RIPOR3: variants seen among roughly 807,000 people sequenced by gnomAD.
The protein encoded by RIPOR3 is RIPOR family member 3.
In RIPOR3, 95 loss-of-function variants were observed where a neutral mutation model predicts 114.3. The ratio of observed to expected loss-of-function variants is 0.83; its 90% CI spans 0.70 to 0.99. The LOEUF is 0.99. Among genes scored for constraint, RIPOR3 ranks in the 50% least tolerant of loss-of-function variants. The probability of loss-of-function intolerance (pLI) is 0.00; values close to 1 mark genes in which losing one functional copy is unlikely to be tolerated. For missense variants in RIPOR3, 1,252 were observed against 1,266.9 expected (o/e 0.99, Z 0.18); for synonymous variants, 575 against 543.8 (o/e 1.06, Z -0.80).
In RIPOR3 at chr20:50,602,476, C is replaced by T. The variant is rs769121941; in HGVS notation, c.1255G>A (p.Glu419Lys). 7.7e-6 allele frequency: 12 copies of T among 1,561,042 alleles called. No homozygotes were observed. Among genetic ancestry groups the T allele is most frequent in the Non-Finnish European group, 1.0e-5 (12 of 1,150,386 alleles). ...GAGGTGGACGCCGACGTGCTGGTCT[C>T]CGTGTCTCGGGGGTCCTCAGAGCTG... ...SFSSEDPRDT[E>K]TSTSASTSDV... The change falls in exon 13 of 22, where the codon GAG (glutamate) becomes AAG (lysine). Residue 419 changes from glutamate (E) to lysine (K), a missense_variant. Transcript: ENST00000327979. The surrounding 1 kb of genome is among the most constrained non-coding windows in gnomAD (Gnocchi z 4.3).
intron 2 of RIPOR3, among the ~76,000 whole-genome samples, chr20:50,626,867 A>C (rs1352642885): frequency 6.6e-6 from 1 of 150,814 alleles, no homozygotes; most frequent in Non-Finnish European, 1.5e-5. Context: ...ACTAAAAATT[A>C]GCTGGGCATG....
Position 50,610,847 on chromosome 20 carries a change from G to A in RIPOR3, c.426+6C>T. The stretch of plus-strand genomic sequence containing the variant: ...CCCACCCTGCAACATCCACGAGCCA[G>A]CTGACCTTGCTGATGTGAAACTCCA... On this transcript the variant is annotated splice_donor_region_variant and intron_variant, in intron 6 of 21. Coordinates refer to ENST00000327979, the MANE Select transcript of RIPOR3 (RefSeq NM_001290268.2). The A allele has an allele frequency of 6.2e-7, 1 of 1,614,192 alleles. No individual in the cohort carries two copies. Among genetic ancestry groups the A allele is most frequent in the Non-Finnish European group, 8.5e-7 (1 of 1,180,044 alleles).
intron 1 of RIPOR3, among the ~76,000 whole-genome samples, chr20:50,670,158 CAAAAA>C (rs34360499): frequency 2.0e-5 from 1 of 49,240 alleles, no homozygotes; most frequent in South Asian, 7.1e-4. Context: ...AACTCCATCT[CAAAAA>C]AAAAAAAAAA....
intron 1 of RIPOR3, among the ~76,000 whole-genome samples, chr20:50,657,459 G>A (rs1020611194): frequency 1.3e-4 from 20 of 152,082 alleles, no homozygotes; most frequent in African/African-American, 2.4e-4. Flanking sequence ...CCTGGGAGGT[G>A]GAGGTTGCAG....
intron 1 of RIPOR3, among the ~76,000 whole-genome samples, chr20:50,688,598 A>G (rs1373912099): frequency 6.6e-6 from 1 of 152,234 alleles, no homozygotes; most frequent in African/African-American, 2.4e-5. Context: ...AGCTGCCTCC[A>G]GCACACCTCT....
At chr20:50,682,358 AG>A (rs2086886234) in intron 1 of RIPOR3, among the ~76,000 whole-genome samples, 1 of 152,228 alleles carries the variant, frequency 6.6e-6, no homozygotes, top group African/African-American at 2.4e-5. Flanking sequence ...CTGTAATCCC[AG>A]CCCTTTGGGA....
intron 1 of RIPOR3, among the ~76,000 whole-genome samples, chr20:50,679,165 C>G (rs28647711): frequency 0.67 from 72,457 of 108,752 alleles, 25,306 homozygotes; most frequent in Non-Finnish European, 0.74. Context: ...CACACACACA[C>G]AGAGAGAGAG....
chr20:50,665,114 C>CA (rs1187261403), intron 1 of RIPOR3, among the ~76,000 whole-genome samples: 2 of 151,416 alleles, frequency 1.3e-5, no homozygotes, highest in East Asian at 2.0e-4. Context: ...AAATAAAACC[C>CA]AAAAAACAAA....
chr20:50,587,972 G>A (rs1047608603), intron 20 of RIPOR3, 80 bp from the exon 21 acceptor site: 2 of 1,342,750 alleles, frequency 1.5e-6, no homozygotes, highest in African/African-American at 2.9e-5. Context: ...GCCCTGCAGG[G>A]CCAGTCCTAG....
At chr20:50,622,814 G>A (rs967900859) in intron 2 of RIPOR3, among the ~76,000 whole-genome samples, 2 of 152,122 alleles carry the variant, frequency 1.3e-5, no homozygotes, top group Admixed American at 1.3e-4. Context: ...CTTTTCACTG[G>A]TAAAATGGGA....
At chr20:50,658,239 A>G (rs1050593106) in intron 1 of RIPOR3, among the ~76,000 whole-genome samples, 7 of 152,248 alleles carry the variant, frequency 4.6e-5, no homozygotes, top group African/African-American at 1.7e-4. Context: ...TGTGGTGTGT[A>G]TATATGCAAT....
At chr20:50,588,992 G>A (rs912579496) in intron 20 of RIPOR3, among the ~76,000 whole-genome samples, 1 of 147,036 alleles carries the variant, frequency 6.8e-6, no homozygotes, top group African/African-American at 2.5e-5. Flanking sequence ...TGAGGCAGGA[G>A]AATGGTGTGA....
chr20:50,686,748 TAAAA>T (rs11470692), intron 1 of RIPOR3, among the ~76,000 whole-genome samples: 14 of 142,060 alleles, frequency 9.9e-5, no homozygotes, highest in African/African-American at 3.6e-4. Flanking sequence ...GAGACTCTGT[TAAAA>T]AAAAAAAAAA....
At chr20:50,623,351 A>G (rs910714142) in intron 2 of RIPOR3, among the ~76,000 whole-genome samples, 28 of 152,238 alleles carry the variant, frequency 1.8e-4, no homozygotes, top group African/African-American at 6.0e-4. Flanking sequence ...CAGTATCCCA[A>G]GGGGATTAGA....
intron 13 of RIPOR3, among the ~76,000 whole-genome samples, chr20:50,600,738 C>T (rs1300845931): frequency 6.6e-6 from 1 of 152,152 alleles, no homozygotes; most frequent in African/African-American, 2.4e-5. Context: ...CCAGCCTGGG[C>T]AACAGAGTGA....
At chr20:50,624,866 G>A (rs920847915) in intron 2 of RIPOR3, among the ~76,000 whole-genome samples, 4 of 152,270 alleles carry the variant, frequency 2.6e-5, no homozygotes, top group Admixed American at 2.6e-4. Context: ...AGGCAGACAG[G>A]GCCGGGCTCA....
intron 1 of RIPOR3, among the ~76,000 whole-genome samples, chr20:50,673,137 A>G (rs1207542194): frequency 2.1e-5 from 1 of 47,550 alleles, no homozygotes; most frequent in Non-Finnish European, 6.5e-5. Context: ...CTACAGCCAG[A>G]AGACAGCAGG....
At chr20:50,633,582 T>A (rs1017174643) in intron 1 of RIPOR3, among the ~76,000 whole-genome samples, 1 of 152,120 alleles carries the variant, frequency 6.6e-6, no homozygotes, top group African/African-American at 2.4e-5. Context: ...TGAGACGTAC[T>A]CCGGAGCCAG....
At chr20:50,604,840 C>T in intron 11 of RIPOR3, 66 bp from the exon 12 acceptor site, 1 of 1,576,650 alleles carries the variant, frequency 6.3e-7, no homozygotes, top group Non-Finnish European at 8.6e-7. Flanking sequence ...CCCAGACGGC[C>T]CACAGGGCTC....
Sources: allele counts gnomAD v4.1 joint callset (sites outside exome capture counted in the v4.1 genomes callset), GRCh38; gene constraint gnomAD v4.1.1; non-coding constraint Gnocchi (gnomAD v3.1); transcripts MANE v1.5; gene names NCBI Gene and HGNC (gene_info 2026-07-23, HGNC 2026-07-21).